Variants in ANKS1B observed in about 807,000 individuals in gnomAD.
The protein encoded by ANKS1B is ankyrin repeat and sterile alpha motif domain-containing protein 1B.
In ANKS1B, 36 loss-of-function variants were observed where a neutral mutation model predicts 148.3. That is an observed-to-expected ratio of 0.24 (90% CI 0.19 to 0.32). The LOEUF (loss-of-function observed/expected upper bound fraction) is 0.32, where lower values mean the gene tolerates loss of function less well. Ranked by LOEUF, ANKS1B falls within the 10% of genes least tolerant of loss-of-function variation. ANKS1B has a pLI of 1.00. For missense variants in ANKS1B, 1,157 were observed against 1,542.6 expected (o/e 0.75, Z 4.19); for synonymous variants, 542 against 560.8 (o/e 0.97, Z 0.47).
At chr12:98,903,514 C>T (rs973474137) in intron 17 of ANKS1B, among the ~76,000 whole-genome samples, 2 of 152,194 alleles carry the variant, frequency 1.3e-5, no homozygotes, top group African/African-American at 2.4e-5. Flanking sequence ...ATGCCTGGAG[C>T]TGCCAAGGGC....
At chr12:99,754,885 G>A (rs751162133) in intron 8 of ANKS1B, among the ~76,000 whole-genome samples, 6 of 151,908 alleles carry the variant, frequency 3.9e-5, no homozygotes, top group Non-Finnish European at 7.4e-5. Flanking sequence ...AAATGCCCAC[G>A]TCAAAAAGTT....
In ANKS1B at chr12:99,684,648, G is replaced by A. The variant is rs555936411; in HGVS notation, c.1129-29438C>T. ...AAGACTACTCCAAAAGAATAAATCT[G>A]GAAGCATCACATTACTTAACTTCAA... On this transcript the variant is annotated intron_variant, in intron 8 of 26. Transcript: ENST00000683438. Among the ~76,000 whole-genome samples, 39 of 152,128 alleles carry A rather than the reference G, an allele frequency of 2.6e-4. No individual in the cohort carries two copies. In the South Asian group the frequency reaches 7.9e-3, roughly 31 times the overall value.
At chr12:99,042,354 G>A (rs1383904792) in intron 17 of ANKS1B, among the ~76,000 whole-genome samples, 1 of 152,092 alleles carries the variant, frequency 6.6e-6, no homozygotes, top group Non-Finnish European at 1.5e-5. Flanking sequence ...CTAGAGAGTG[G>A]GGCACAGGGA....
chr12:99,527,534 C>A (rs1443641775), intron 9 of ANKS1B, among the ~76,000 whole-genome samples: 2 of 152,118 alleles, frequency 1.3e-5, no homozygotes, highest in Non-Finnish European at 2.9e-5. Context: ...AAATCGGAAT[C>A]TCTGGTGGTA....
chr12:98,735,979 A>G (rs537032506), intron 9 of ANKS1B, among the ~76,000 whole-genome samples: 4 of 152,194 alleles, frequency 2.6e-5, no homozygotes, highest in Non-Finnish European at 4.4e-5. Flanking sequence ...CAGCAGGTGC[A>G]GACTCCAGTG....
intron 15 of ANKS1B, among the ~76,000 whole-genome samples, chr12:99,107,300 C>T (rs1416711195): frequency 1.3e-5 from 2 of 152,098 alleles, no homozygotes; most frequent in African/African-American, 2.4e-5. Context: ...CTTTGGGTTG[C>T]GGTGCCGTGT....
At chr12:99,382,442 C>G (rs369296311) in intron 12 of ANKS1B, among the ~76,000 whole-genome samples, 1 of 152,106 alleles carries the variant, frequency 6.6e-6, no homozygotes, top group Non-Finnish European at 1.5e-5. Flanking sequence ...GTGGCTCACA[C>G]GTGTAATCCC....
chr12:99,516,058 T>C (rs1041915597), intron 9 of ANKS1B, among the ~76,000 whole-genome samples: 5 of 152,126 alleles, frequency 3.3e-5, no homozygotes, highest in Non-Finnish European at 7.4e-5. Flanking sequence ...ATATTCTAGT[T>C]ATCACCTGTC....
At position 99,196,764 on chromosome 12, in the gene ANKS1B, T is replaced by G. The variant is rs192345400; in HGVS notation, c.2420-42369A>C. Among the ~76,000 whole-genome samples, 376 of 152,172 alleles carry G rather than the reference T, an allele frequency of 2.5e-3. 4 individuals carry two copies. The highest frequency in any genetic ancestry group is 2.9e-3 in the Non-Finnish European group (196 of 68,000). Reference sequence around the variant, plus strand: ...GCATTAGGTATATCTCCTAAAGCTATCCCTCTCCCCTCCCCCAAGCTTTCT... The same window carrying G: ...GCATTAGGTATATCTCCTAAAGCTAGCCCTCTCCCCTCCCCCAAGCTTTCT... On this transcript the variant is annotated intron_variant, in intron 14 of 26. Coordinates refer to ENST00000683438, the MANE Select transcript of ANKS1B (RefSeq NM_001352186.2).
At chr12:99,108,852 C>T (rs534888126) in intron 15 of ANKS1B, among the ~76,000 whole-genome samples, 3 of 151,968 alleles carry the variant, frequency 2.0e-5, no homozygotes, top group Admixed American at 6.6e-5. Flanking sequence ...TAGGGCATTT[C>T]GGAAGTTGAG....
chr12:99,279,463 C>T (rs568121425), intron 12 of ANKS1B, among the ~76,000 whole-genome samples: 6 of 152,264 alleles, frequency 3.9e-5, no homozygotes, highest in African/African-American at 1.4e-4. Context: ...ACTCCTCATT[C>T]ACACTCTTCC....
chr12:99,046,645 A>G (rs574091296), intron 17 of ANKS1B, among the ~76,000 whole-genome samples: 3 of 152,022 alleles, frequency 2.0e-5, no homozygotes, highest in Non-Finnish European at 4.4e-5. Context: ...TAAAAATACA[A>G]AAAATTAGCT....
intron 12 of ANKS1B, among the ~76,000 whole-genome samples, chr12:99,252,602 T>C (rs763452494): frequency 7.9e-5 from 12 of 152,218 alleles, no homozygotes; most frequent in Non-Finnish European, 1.2e-4. Context: ...GTGATGCAGC[T>C]ATAGTGGTGA....
At chr12:99,034,264 T>C (rs1212731837) in intron 17 of ANKS1B, among the ~76,000 whole-genome samples, 1 of 152,136 alleles carries the variant, frequency 6.6e-6, no homozygotes, top group Non-Finnish European at 1.5e-5. Context: ...AGAGTAGAGC[T>C]TGGAGGCTAT....
At chr12:99,006,655 C>A (rs539222827) in intron 17 of ANKS1B, among the ~76,000 whole-genome samples, 12 of 152,298 alleles carry the variant, frequency 7.9e-5, no homozygotes, top group African/African-American at 2.6e-4. Context: ...TCTCTGAAAT[C>A]TCAGAAATGA....
chr12:99,630,686 T>C (rs1238334915), intron 9 of ANKS1B, among the ~76,000 whole-genome samples: 7 of 152,170 alleles, frequency 4.6e-5, no homozygotes, highest in Non-Finnish European at 1.0e-4. Flanking sequence ...TCAAGGAAGA[T>C]CTTTAAGAGA....
At chr12:98,919,881 G>T (rs1011083830) in intron 17 of ANKS1B, among the ~76,000 whole-genome samples, 1 of 152,108 alleles carries the variant, frequency 6.6e-6, no homozygotes, top group Non-Finnish European at 1.5e-5. Flanking sequence ...AAGGCAGGGG[G>T]ATACTCTCAA....
intron 17 of ANKS1B, among the ~76,000 whole-genome samples, chr12:98,997,324 C>T (rs944475825): frequency 7.3e-5 from 11 of 151,600 alleles, no homozygotes; most frequent in African/African-American, 2.4e-4. Context: ...TGATGAGTTG[C>T]TTGAGTTAAA....
At chr12:98,975,534 G>A (rs1200976660) in intron 17 of ANKS1B, among the ~76,000 whole-genome samples, 2 of 152,098 alleles carry the variant, frequency 1.3e-5, no homozygotes, top group Non-Finnish European at 2.9e-5. Context: ...CTACCCTCAG[G>A]AGCTTACTTC....
Sources: gnomAD v4.1 joint callset for allele counts (sites outside exome capture counted in the v4.1 genomes callset) on GRCh38, gnomAD v4.1.1 for gene constraint, MANE v1.5 for transcripts, NCBI Gene and HGNC (gene_info 2026-07-23, HGNC 2026-07-21) for gene names.